The following TSPAN11 variants were observed in gnomAD, a reference collection of about 807,000 sequenced individuals.
TSPAN11 encodes tetraspanin-11.
A neutral mutation model predicts 32.9 loss-of-function variants in TSPAN11; 29 were observed. That is an observed-to-expected ratio of 0.88 (90% CI 0.66 to 1.20). TSPAN11 has a LOEUF of 1.20. Ranked by LOEUF, TSPAN11 falls within the 50% of genes most tolerant of loss-of-function variation. The probability of loss-of-function intolerance (pLI) is 0.00; values close to 1 mark genes in which losing one functional copy is unlikely to be tolerated. For missense variants in TSPAN11, 283 were observed against 329.1 expected (o/e 0.86, Z 1.08); for synonymous variants, 140 against 141.3 (o/e 0.99, Z 0.07).
chr12:30,929,528 G>T (rs999026035), intron 1 of TSPAN11, among the ~76,000 whole-genome samples: 3 of 152,188 alleles, frequency 2.0e-5, no homozygotes, highest in African/African-American at 7.2e-5. Flanking sequence ...TGGACAAGCT[G>T]TGCGCAGATA....
At chr12:30,997,812 C>T (rs1353576529), downstream of TSPAN11, among the ~76,000 whole-genome samples, 2 of 152,154 alleles carry the variant, frequency 1.3e-5, no homozygotes, top group African/African-American at 2.4e-5. Flanking sequence ...CTGACCCACA[C>T]AGCTGCTGTG....
chr12:31,015,176 A>C, the TSPAN11 span, among the ~76,000 whole-genome samples: 1 of 152,232 alleles, frequency 6.6e-6, no homozygotes, highest in Non-Finnish European at 1.5e-5. The surrounding 1 kb of genome is among the most constrained non-coding windows in gnomAD (Gnocchi z 4.9). Flanking sequence ...AACTGTACAT[A>C]TGTATTGTGT....
At chr12:30,959,695 G>T (rs879779773) in intron 2 of TSPAN11, among the ~76,000 whole-genome samples, 1 of 150,982 alleles carries the variant, frequency 6.6e-6, no homozygotes, top group Middle Eastern at 3.2e-3. Flanking sequence ...CAGGAGAATC[G>T]CTTGAACCTG....
intron 1 of TSPAN11, among the ~76,000 whole-genome samples, chr12:30,940,273 T>G (rs779672573): frequency 1.3e-5 from 2 of 152,218 alleles, no homozygotes; most frequent in Non-Finnish European, 2.9e-5. Flanking sequence ...CTCAAAGAGT[T>G]CATGAGTGTT....
chr12:30,974,748 G>C (rs1938925744), intron 3 of TSPAN11, among the ~76,000 whole-genome samples: 1 of 152,240 alleles, frequency 6.6e-6, no homozygotes, highest in Admixed American at 6.5e-5. Context: ...AGCAAGAGCA[G>C]TGCTACGGAG....
chr12:30,956,298 T>C (rs1315640709), intron 2 of TSPAN11, among the ~76,000 whole-genome samples: 1 of 152,240 alleles, frequency 6.6e-6, no homozygotes, highest in Non-Finnish European at 1.5e-5. Context: ...AATAGTTACG[T>C]GGAACATTGT....
intron 3 of TSPAN11, among the ~76,000 whole-genome samples, chr12:30,976,466 C>T (rs1320102206): frequency 6.6e-6 from 1 of 152,162 alleles, no homozygotes; most frequent in African/African-American, 2.4e-5. Flanking sequence ...CCCCAGCTTT[C>T]CTCAGTGTTT....
intron 3 of TSPAN11, among the ~76,000 whole-genome samples, chr12:30,964,688 G>T (rs1938691704): frequency 6.6e-6 from 1 of 152,082 alleles, no homozygotes; most frequent in Non-Finnish European, 1.5e-5. Context: ...TAAACTTAAG[G>T]ACCCTCTTCT....
At chr12:30,937,506 A>T (rs895060348) in intron 1 of TSPAN11, among the ~76,000 whole-genome samples, 2 of 152,136 alleles carry the variant, frequency 1.3e-5, no homozygotes, top group Non-Finnish European at 2.9e-5. Flanking sequence ...AGTTAGTTAA[A>T]ACAAAGGCTG....
Position 30,941,939 on chromosome 12 carries a change from C to T in TSPAN11, c.-11-12042C>T, listed in dbSNP as rs118186123. ...CTTCCCACTTCTTTTAAATGACTTT[C>T]CTGTCTGAGCCAGTTTGCTTTGTTA... is the stretch of plus-strand genomic sequence containing the variant. On this transcript the variant is annotated intron_variant, in intron 1 of 7. Transcript: ENST00000546076. Among the ~76,000 whole-genome samples, 185 of 152,346 alleles carry T rather than the reference C, an allele frequency of 1.2e-3. 3 individuals carry two copies. The East Asian group carries it at 0.033, about 27-fold the overall frequency.
At chr12:30,940,570 T>C (rs1246403512) in intron 1 of TSPAN11, among the ~76,000 whole-genome samples, 1 of 152,130 alleles carries the variant, frequency 6.6e-6, no homozygotes, top group Non-Finnish European at 1.5e-5. Flanking sequence ...AACATGGTGG[T>C]AAAGAGCCAA....
chr12:30,976,147 C>T (rs536862786), intron 3 of TSPAN11, among the ~76,000 whole-genome samples: 2 of 152,108 alleles, frequency 1.3e-5, no homozygotes, highest in Non-Finnish European at 2.9e-5. Flanking sequence ...CCAGGGGGAT[C>T]ACACTCTGGC....
intron 1 of TSPAN11, among the ~76,000 whole-genome samples, chr12:30,936,099 C>T (rs1327222284): frequency 6.6e-6 from 1 of 152,186 alleles, no homozygotes; most frequent in Non-Finnish European, 1.5e-5. Context: ...TTCCCTGGAT[C>T]AGAAAATCCA....
chr12:30,956,123 A>C (rs1212959203), intron 2 of TSPAN11, among the ~76,000 whole-genome samples: 1 of 152,196 alleles, frequency 6.6e-6, no homozygotes. Context: ...TGAAATTGTC[A>C]AGATTGGGTC....
the TSPAN11 span, among the ~76,000 whole-genome samples, chr12:31,002,412 C>A: frequency 9.2e-5 from 14 of 152,168 alleles, no homozygotes; most frequent in African/African-American, 3.1e-4. This position sits in a 1 kb window ranked among gnomAD's most constrained non-coding sequence, Gnocchi z 4.8. Flanking sequence ...TGACCCAGGA[C>A]AAGGGGAATT....
chr12:30,982,752 C>T, intron 6 of TSPAN11, 62 bp downstream of exon 6: 1 of 1,501,936 alleles, frequency 6.7e-7, no homozygotes, highest in Non-Finnish European at 8.9e-7. Context: ...TTCAGGAGCC[C>T]CAGAAAGGCT....
intron 7 of TSPAN11, among the ~76,000 whole-genome samples, chr12:30,985,394 A>G (rs1414743030): frequency 4.6e-5 from 7 of 152,154 alleles, no homozygotes; most frequent in Admixed American, 4.6e-4. Context: ...TCTCTCAAAA[A>G]AAAAGCTCTA....
chr12:30,940,794 C>T (rs966299389), intron 1 of TSPAN11, among the ~76,000 whole-genome samples: 1 of 152,186 alleles, frequency 6.6e-6, no homozygotes, highest in Non-Finnish European at 1.5e-5. Context: ...CAGTAGGAAC[C>T]AGCCTCACAG....
At chr12:30,979,246 CCTGTGT>C (rs1276840322) in intron 4 of TSPAN11, among the ~76,000 whole-genome samples, 3 of 152,110 alleles carry the variant, frequency 2.0e-5, no homozygotes, top group Non-Finnish European at 4.4e-5. Flanking sequence ...TTCAAAGCAC[CCTGTGT>C]CTGGCCTCAC....
Sources: gnomAD v4.1 joint callset for allele counts (sites outside exome capture counted in the v4.1 genomes callset) on GRCh38, gnomAD v4.1.1 for gene constraint, Gnocchi (gnomAD v3.1) non-coding constraint, MANE v1.5 for transcripts, NCBI Gene and HGNC (gene_info 2026-07-23, HGNC 2026-07-21) for gene names.